GRIA4: variants seen among roughly 807,000 people sequenced by gnomAD.
GRIA4 encodes the protein glutamate receptor 4.
In GRIA4, 34 loss-of-function variants were observed where a neutral mutation model predicts 104.0. That is an observed-to-expected ratio of 0.33 (90% confidence interval 0.25 to 0.44). The LOEUF (loss-of-function observed/expected upper bound fraction) is 0.44, where lower values mean the gene tolerates loss of function less well. GRIA4 is among the 20% of genes least tolerant of loss of function. The probability of loss-of-function intolerance (pLI) is 1.00; values close to 1 mark genes in which losing one functional copy is unlikely to be tolerated. For synonymous variants in GRIA4, 386 were observed against 381.9 expected, an observed-to-expected ratio of 1.01 and a Z score of -0.13; for missense variants, 750 against 1,096.5, an observed-to-expected ratio of 0.68 and a Z score of 4.46.
intron 14 of GRIA4, among the ~76,000 whole-genome samples, chr11:105,958,570 T>A (rs1948650755): frequency 6.6e-6 from 1 of 152,188 alleles, no homozygotes; most frequent in Non-Finnish European, 1.5e-5. Context: ...TGGTCTAAAA[T>A]TCTCTTTTTT....
At chr11:105,844,146 A>G (rs1944492724) in intron 4 of GRIA4, among the ~76,000 whole-genome samples, 2 of 152,144 alleles carry the variant, frequency 1.3e-5, no homozygotes, top group Non-Finnish European at 2.9e-5. Context: ...CAGTCACCCT[A>G]CTTATAATAA....
chr11:105,646,764 T>C (rs891223807), intron 3 of GRIA4, among the ~76,000 whole-genome samples: 1 of 152,166 alleles, frequency 6.6e-6, no homozygotes, highest in African/African-American at 2.4e-5. Context: ...ACTGGACCCT[T>C]TCCTTATACC....
chr11:105,648,444 T>C (rs985128650), intron 3 of GRIA4, among the ~76,000 whole-genome samples: 8 of 151,414 alleles, frequency 5.3e-5, no homozygotes, highest in African/African-American at 1.9e-4. Flanking sequence ...AAAATAATGC[T>C]TTTTATAGTA....
intron 3 of GRIA4, among the ~76,000 whole-genome samples, chr11:105,678,011 C>T (rs1952595199): frequency 6.6e-6 from 1 of 152,036 alleles, no homozygotes; most frequent in Non-Finnish European, 1.5e-5. Context: ...CCCCATATAT[C>T]ACTAAGGCTT....
intron 4 of GRIA4, among the ~76,000 whole-genome samples, chr11:105,845,205 T>C (rs1944539299): frequency 6.6e-6 from 1 of 152,172 alleles, no homozygotes; most frequent in Non-Finnish European, 1.5e-5. Context: ...TGTCTGGTGG[T>C]TGGTCATGGC....
At chr11:105,615,592 A>G (rs1188475384) in intron 3 of GRIA4, among the ~76,000 whole-genome samples, 1 of 151,864 alleles carries the variant, frequency 6.6e-6, no homozygotes, top group African/African-American at 2.4e-5. Context: ...AGGTATCCAA[A>G]ATATGAAGTA....
intron 3 of GRIA4, among the ~76,000 whole-genome samples, chr11:105,619,902 G>A (rs560585841): frequency 6.6e-6 from 1 of 151,898 alleles, no homozygotes; most frequent in East Asian, 1.9e-4. Flanking sequence ...TTTTTTTAAT[G>A]AAATCCATCT....
chr11:105,796,922 A>G (rs1028743517), intron 4 of GRIA4, among the ~76,000 whole-genome samples: 19 of 152,174 alleles, frequency 1.2e-4, no homozygotes, highest in African/African-American at 4.3e-4. Context: ...GCACCATATT[A>G]GAAGCATTGA....
chr11:105,793,100 T>G (rs1204340930), intron 4 of GRIA4, among the ~76,000 whole-genome samples: 2 of 152,176 alleles, frequency 1.3e-5, no homozygotes, highest in African/African-American at 4.8e-5. Context: ...TAAAATACTT[T>G]GAGTCAGTTC....
chr11:105,782,118 G>T (rs1048417017), intron 4 of GRIA4, among the ~76,000 whole-genome samples: 5 of 152,120 alleles, frequency 3.3e-5, no homozygotes, highest in Admixed American at 1.3e-4. Context: ...TTTCTTATCT[G>T]TTTCCTTACC....
intron 13 of GRIA4, among the ~76,000 whole-genome samples, chr11:105,932,598 G>C (rs186270543): frequency 6.6e-6 from 1 of 152,292 alleles, no homozygotes; most frequent in African/African-American, 2.4e-5. Flanking sequence ...TGTATTAATA[G>C]ATAGAGCTCA....
At chr11:105,798,084 A>G (rs1457013036) in intron 4 of GRIA4, among the ~76,000 whole-genome samples, 1 of 152,058 alleles carries the variant, frequency 6.6e-6, no homozygotes, top group Non-Finnish European at 1.5e-5. Flanking sequence ...CCACACATAG[A>G]CATAAACACA....
At chr11:105,638,970 G>C (rs964482155) in intron 3 of GRIA4, among the ~76,000 whole-genome samples, 6 of 152,010 alleles carry the variant, frequency 3.9e-5, no homozygotes, top group African/African-American at 1.4e-4. Flanking sequence ...ACACACGTAG[G>C]AGACAATCAG....
At chr11:105,631,523 CTATT>C (rs1951035840) in intron 3 of GRIA4, among the ~76,000 whole-genome samples, 1 of 152,150 alleles carries the variant, frequency 6.6e-6, no homozygotes, top group Admixed American at 6.5e-5. Flanking sequence ...AGATAACAAA[CTATT>C]TATCACTTCT....
intron 4 of GRIA4, among the ~76,000 whole-genome samples, chr11:105,848,889 T>G (rs1320981412): frequency 1.3e-5 from 2 of 152,000 alleles, no homozygotes; most frequent in Non-Finnish European, 2.9e-5. Context: ...TATTTAGGGA[T>G]TCAGTCACCC....
At chr11:105,929,802 G>A (rs1391287855) in intron 13 of GRIA4, among the ~76,000 whole-genome samples, 2 of 152,066 alleles carry the variant, frequency 1.3e-5, no homozygotes, top group Non-Finnish European at 2.9e-5. Context: ...GTTTCTATTA[G>A]AAGCAGAAAT....
At chr11:105,915,217 T>C (rs1241423742) in intron 10 of GRIA4, among the ~76,000 whole-genome samples, 3 of 152,154 alleles carry the variant, frequency 2.0e-5, no homozygotes, top group Admixed American at 6.6e-5. Context: ...GTCATTTCTC[T>C]TATGCTGTCT....
rs568692968 is a variant in GRIA4 at position 105,901,990 on chromosome 11, G to C, written c.886-1824G>C. Reference sequence around the variant, plus strand: ...GATTTGATGACTTTCTCTACTCAAAGATGTGTTGGGTCAGGCAGAGAAGGA... The same window carrying C: ...GATTTGATGACTTTCTCTACTCAAACATGTGTTGGGTCAGGCAGAGAAGGA... On this transcript the variant is annotated intron_variant, in intron 7 of 16. Coordinates refer to ENST00000282499, the MANE Select transcript of GRIA4 (RefSeq NM_000829.4). 3.2e-4 allele frequency among the ~76,000 whole-genome samples: 49 copies of C among 152,234 alleles called. No homozygotes were observed. The South Asian group carries it at 9.7e-3, about 30-fold the overall frequency.
At chr11:105,668,239 A>ATATACTATAT (rs1555095735) in intron 3 of GRIA4, among the ~76,000 whole-genome samples, 11,336 of 136,460 alleles carry the variant, frequency 0.083, 510 homozygotes, top group African/African-American at 0.099. Flanking sequence ...ATATATATAT[A>ATATACTATAT]TATATATACT....
Sources: allele counts gnomAD v4.1 joint callset (sites outside exome capture counted in the v4.1 genomes callset), GRCh38; gene constraint gnomAD v4.1.1; transcripts MANE v1.5; gene names NCBI Gene and HGNC (gene_info 2026-07-23, HGNC 2026-07-21).